The following MCF2 variants were observed in gnomAD, a reference collection of about 807,000 sequenced individuals.
The protein encoded by MCF2 is proto-oncogene DBL.
MCF2 carries 44 observed loss-of-function variants against 82.5 expected under a neutral mutation model. The observed-to-expected ratio is 0.53, with a 90% CI of 0.42 to 0.69. MCF2 has a LOEUF of 0.69. Ranked by LOEUF, MCF2 falls within the 30% of genes least tolerant of loss-of-function variation. The pLI is 0.00. For missense variants in MCF2, 623 were observed against 663.1 expected (o/e 0.94, Z 0.66); for synonymous variants, 217 against 224.9 (o/e 0.96, Z 0.32).
At chrX:139,682,243 C>A (rs1459272715) in intron 1 of MCF2, among the ~76,000 whole-genome samples, 2 of 111,847 alleles carry the variant, frequency 1.8e-5, no homozygotes, top group African/African-American at 6.5e-5. Flanking sequence ...TTGACTATAT[C>A]TCTTGTAGGT....
chrX:139,632,537 T>C, intron 1 of MCF2, 83 bp from the exon 5 acceptor site: 1 of 783,104 alleles, frequency 1.3e-6, no homozygotes. Flanking sequence ...AATATGTAAC[T>C]GAAGGAAACA....
chrX:139,701,571 A>G (rs754780560), intron 1 of MCF2, among the ~76,000 whole-genome samples: 8 of 111,806 alleles, frequency 7.2e-5, no homozygotes, highest in Admixed American at 9.5e-5. Context: ...CCTGCTTTAT[A>G]TATTTCAAAC....
At chrX:139,668,518 A>G (rs5954142) in intron 1 of MCF2, among the ~76,000 whole-genome samples, 32,611 of 109,809 alleles carry the variant, frequency 0.3, 4,712 homozygotes, top group African/African-American at 0.56. Flanking sequence ...GTGAGTCACT[A>G]AAAGTCTCTC....
intron 19 of MCF2, 29 bp from the exon 24 acceptor site, chrX:139,589,956 A>G (rs1929353393): frequency 1.1e-6 from 1 of 917,348 alleles, no homozygotes; most frequent in Non-Finnish European, 1.5e-6. Context: ...AATTTTCATG[A>G]GCATTTTATT....
At chrX:139,652,784 T>C (rs1408262299) in intron 1 of MCF2, among the ~76,000 whole-genome samples, 2 of 110,964 alleles carry the variant, frequency 1.8e-5, no homozygotes, top group Non-Finnish European at 3.8e-5. Flanking sequence ...TCCTGGTCTC[T>C]GGTGGTGTCA....
intron 15 of MCF2, 120 bp from the exon 20 acceptor site, chrX:139,602,618 G>C (rs768250977): frequency 1.5e-4 from 70 of 465,708 alleles, no homozygotes; most frequent in African/African-American, 1.4e-3. Flanking sequence ...AGGGCCTACT[G>C]TACTAGCAGC....
At chrX:139,668,975 C>T (rs1462618396) in intron 1 of MCF2, among the ~76,000 whole-genome samples, 3 of 111,457 alleles carry the variant, frequency 2.7e-5, no homozygotes, top group Non-Finnish European at 3.8e-5. Context: ...TGTGACCTTG[C>T]ATTTGGCAAA....
intron 17 of MCF2, 147 bp from the exon 22 acceptor site, chrX:139,597,732 T>C: frequency 2.7e-6 from 1 of 374,626 alleles, no homozygotes. Flanking sequence ...TTTGCTGCAG[T>C]AATATTTTTA....
At chrX:139,634,120 T>C (rs900749300) in intron 1 of MCF2, among the ~76,000 whole-genome samples, 2 of 111,555 alleles carry the variant, frequency 1.8e-5, no homozygotes, top group Non-Finnish European at 3.8e-5. Context: ...TAGCTGTTTG[T>C]ACAATTAAGA....
chrX:139,636,922 C>T (rs180958571), intron 1 of MCF2, among the ~76,000 whole-genome samples: 1 of 111,573 alleles, frequency 9.0e-6, no homozygotes, highest in Non-Finnish European at 1.9e-5. Context: ...ATATGCTAAT[C>T]AGTTCATTCT....
chrX:139,623,840 A>G (rs1192537366), intron 6 of MCF2, among the ~76,000 whole-genome samples: 2 of 112,383 alleles, frequency 1.8e-5, no homozygotes, highest in African/African-American at 6.5e-5. Flanking sequence ...CCTAGTGTGG[A>G]CTGATAAATG....
intron 11 of MCF2, among the ~76,000 whole-genome samples, chrX:139,609,556 AAAAG>A (rs767080154): frequency 9.0e-6 from 1 of 111,314 alleles, no homozygotes; most frequent in Non-Finnish European, 1.9e-5. Context: ...CTCAAAAAAA[AAAAG>A]AGAGAGAGAA....
At chrX:139,616,740 CACA>C (rs1472400709) in intron 8 of MCF2, among the ~76,000 whole-genome samples, 2 of 111,339 alleles carry the variant, frequency 1.8e-5, no homozygotes, top group African/African-American at 6.5e-5. Context: ...GCATTTATTT[CACA>C]ACAACTAATT....
chrX:139,582,120 G>A (rs1471338279), exon 25 of MCF2: 9 of 248,447 alleles, frequency 3.6e-5, no homozygotes, highest in East Asian at 2.6e-4. Flanking sequence ...TTTTGCAGCC[G>A]TAATTTTGAC....
chrX:139,698,689 T>G (rs1047135152), intron 1 of MCF2, among the ~76,000 whole-genome samples: 6 of 111,819 alleles, frequency 5.4e-5, no homozygotes, highest in African/African-American at 1.6e-4. Flanking sequence ...TATGACCTGG[T>G]TATTTCTCAA....
At chrX:139,647,534 T>C (rs955829935), upstream of MCF2, among the ~76,000 whole-genome samples, 2 of 111,609 alleles carry the variant, frequency 1.8e-5, no homozygotes, top group Non-Finnish European at 3.8e-5. Context: ...CGCAGACCCA[T>C]GCAGCCATTA....
upstream of MCF2, chrX:139,647,016 T>C: frequency 2.1e-6 from 1 of 474,838 alleles, no homozygotes; most frequent in Middle Eastern, 3.4e-4. Flanking sequence ...TTTGCAAAGA[T>C]GATGATCTCC....
At chrX:139,631,564 C>A in intron 2 of MCF2, 53 bp from the exon 6 acceptor site, 1 of 708,781 alleles carries the variant, frequency 1.4e-6, no homozygotes, top group South Asian at 2.5e-5. Context: ...GCCATCCCTC[C>A]ATTAAACTGT....
At chrX:139,631,478 T>G in exon 3 of MCF2, 1 of 1,203,686 alleles carries the variant, frequency 8.3e-7, no homozygotes, top group Non-Finnish European at 1.1e-6. Context: ...TCAATGTATG[T>G]CAGCAAATCA....
Sources: allele counts gnomAD v4.1 joint callset (sites outside exome capture counted in the v4.1 genomes callset), GRCh38; gene constraint gnomAD v4.1.1; transcripts MANE v1.5; gene names NCBI Gene and HGNC (gene_info 2026-07-23, HGNC 2026-07-21).